The following MTERF2 variants were observed in gnomAD, a reference collection of about 807,000 sequenced individuals.
MTERF2 encodes transcription termination factor 2, mitochondrial.
A neutral mutation model predicts 29.2 loss-of-function variants in MTERF2; 23 were observed. That is an observed-to-expected ratio of 0.79 (90% CI 0.57 to 1.12). The LOEUF (loss-of-function observed/expected upper bound fraction) is 1.12, where lower values mean the gene tolerates loss of function less well. Among genes scored for constraint, MTERF2 ranks in the 50% most tolerant of loss-of-function variants. The pLI is 0.00. For synonymous variants in MTERF2, 157 were observed against 159.5 expected (o/e 0.98, Z 0.12); for missense variants, 440 against 429.4 (o/e 1.02, Z -0.22).
chr12:106,984,417 T>C (rs1272392084), intron 2 of MTERF2, among the ~76,000 whole-genome samples: 2 of 152,306 alleles, frequency 1.3e-5, no homozygotes, highest in East Asian at 3.9e-4. Flanking sequence ...ATGAGTAGTT[T>C]TCATTCTTAT....
intron 2 of MTERF2, among the ~76,000 whole-genome samples, chr12:106,983,874 G>A (rs1050965515): frequency 3.3e-5 from 5 of 152,118 alleles, no homozygotes; most frequent in African/African-American, 1.2e-4. Flanking sequence ...GGCTCCCCCT[G>A]CCAGACCATC....
At position 106,978,776 on chromosome 12, in the gene MTERF2, A is replaced by C. The variant is rs1027138940; in HGVS notation, c.-57-5T>G. 21 of 1,473,028 alleles carry C rather than the reference A, an allele frequency of 1.4e-5. No homozygotes were observed. The highest frequency in any genetic ancestry group is 4.8e-5 in the Admixed American group (2 of 41,308). The allele number at this position is 1,473,028 out of a possible 1,614,324, so 91.2% of individuals were successfully genotyped here. A position where few individuals can be genotyped will look rare whatever the true frequency, so the allele number is the denominator to read the frequency against. On this transcript the variant is annotated splice_region_variant and splice_polypyrimidine_tract_variant and intron_variant, in intron 2 of 2. Transcript: ENST00000240050. ...ACTTAAATGGACTCATTCTATCTGAAAAAAAGAAAATAAAGGTTTTTAGTA... is the reference window on the plus strand; with the variant it reads ...ACTTAAATGGACTCATTCTATCTGACAAAAAGAAAATAAAGGTTTTTAGTA...
intron 2 of MTERF2, 51 bp downstream of exon 2, chr12:106,985,064 C>G (rs1952094928): frequency 6.6e-6 from 1 of 152,280 alleles, no homozygotes; most frequent in Non-Finnish European, 1.5e-5. Flanking sequence ...CTATCTGTCT[C>G]CCATACAAGC....
chr12:106,984,270 C>G (rs1279137869), intron 2 of MTERF2, among the ~76,000 whole-genome samples: 4 of 152,190 alleles, frequency 2.6e-5, no homozygotes, highest in Non-Finnish European at 5.9e-5. Context: ...CTCTCTCTCT[C>G]CACTGCTCTT....
intron 2 of MTERF2, among the ~76,000 whole-genome samples, chr12:106,982,257 C>G (rs1438953508): frequency 6.6e-6 from 1 of 152,080 alleles, no homozygotes; most frequent in African/African-American, 2.4e-5. Context: ...TTACTGGTCT[C>G]CTGTGTGTTA....
intron 2 of MTERF2, 120 bp from the exon 3 acceptor site, chr12:106,978,891 T>C: frequency 1.9e-6 from 1 of 535,994 alleles, no homozygotes. Context: ...ACAAGAAAAC[T>C]GCTCATGTGG....
intron 2 of MTERF2, among the ~76,000 whole-genome samples, chr12:106,984,150 C>T (rs1241440565): frequency 6.6e-6 from 1 of 152,186 alleles, no homozygotes; most frequent in Non-Finnish European, 1.5e-5. Flanking sequence ...AGCTCAGCCT[C>T]TCTGGCCTGA....
chr12:106,986,842 C>G (rs954406082), intron 1 of MTERF2, 127 bp downstream of exon 1: 15 of 152,272 alleles, frequency 9.9e-5, no homozygotes, highest in African/African-American at 3.1e-4. Context: ...GTGGGGCCTC[C>G]GCTTTTCCAG....
At chr12:106,983,796 C>T (rs1952079096) in intron 2 of MTERF2, among the ~76,000 whole-genome samples, 1 of 152,138 alleles carries the variant, frequency 6.6e-6, no homozygotes, top group Non-Finnish European at 1.5e-5. Flanking sequence ...TGCCTCCATC[C>T]TCATCCCCCT....
intron 2 of MTERF2, among the ~76,000 whole-genome samples, chr12:106,982,848 A>T (rs189627969): frequency 6.6e-6 from 1 of 152,346 alleles, no homozygotes; most frequent in East Asian, 1.9e-4. Context: ...ACATTCTCAC[A>T]GGCAGTATGA....
intron 2 of MTERF2, 21 bp from the exon 3 acceptor site, chr12:106,978,792 G>A: frequency 7.4e-7 from 1 of 1,357,192 alleles, no homozygotes; most frequent in Middle Eastern, 2.1e-4. Context: ...GAAAATAAAG[G>A]TTTTTAGTAT....
At chr12:106,981,873 C>T (rs527545393) in intron 2 of MTERF2, among the ~76,000 whole-genome samples, 1 of 152,136 alleles carries the variant, frequency 6.6e-6, no homozygotes, top group Non-Finnish European at 1.5e-5. Flanking sequence ...CTTATAAAAG[C>T]AATGCACATT....
At chr12:106,982,053 C>T (rs1952058076) in intron 2 of MTERF2, among the ~76,000 whole-genome samples, 1 of 152,192 alleles carries the variant, frequency 6.6e-6, no homozygotes, top group African/African-American at 2.4e-5. Flanking sequence ...AGCTGCTGTT[C>T]CCTTAGCCTC....
At chr12:106,980,889 GCTCA>G (rs1170770159) in intron 2 of MTERF2, among the ~76,000 whole-genome samples, 1 of 152,138 alleles carries the variant, frequency 6.6e-6, no homozygotes, top group Non-Finnish European at 1.5e-5. Flanking sequence ...TTTTGATTTA[GCTCA>G]CTGTGAGCGC....
chr12:106,983,493 A>T (rs1231518500), intron 2 of MTERF2, among the ~76,000 whole-genome samples: 2 of 152,346 alleles, frequency 1.3e-5, no homozygotes, highest in East Asian at 3.9e-4. Context: ...AAAGCAGTTA[A>T]TTTCACGTGG....
At chr12:106,986,495 T>C (rs1952119318) in intron 1 of MTERF2, 1 of 152,076 alleles carries the variant, frequency 6.6e-6, no homozygotes, top group East Asian at 1.9e-4. Flanking sequence ...CGGCAGAATT[T>C]GGACTCAAAC....
chr12:106,982,274 C>A (rs1171704071), intron 2 of MTERF2, among the ~76,000 whole-genome samples: 1 of 152,176 alleles, frequency 6.6e-6, no homozygotes, highest in Admixed American at 6.5e-5. Context: ...GTTACCTTCC[C>A]TACACATGGT....
intron 2 of MTERF2, among the ~76,000 whole-genome samples, chr12:106,981,227 T>G (rs1040326398): frequency 6.6e-6 from 1 of 152,154 alleles, no homozygotes; most frequent in Admixed American, 6.5e-5. Context: ...TGGGGCACCC[T>G]TGGGTAAGTT....
chr12:106,984,752 C>T (rs545883819), intron 2 of MTERF2, among the ~76,000 whole-genome samples: 43 of 152,262 alleles, frequency 2.8e-4, no homozygotes, highest in South Asian at 2.1e-3. Context: ...TTGTCTGCCA[C>T]GATGTGAGAT....
Sources: allele counts gnomAD v4.1 joint callset (sites outside exome capture counted in the v4.1 genomes callset), GRCh38; gene constraint gnomAD v4.1.1; transcripts MANE v1.5; gene names NCBI Gene and HGNC (gene_info 2026-07-23, HGNC 2026-07-21).